The following PIK3R1 variants were observed in gnomAD, a reference collection of about 807,000 sequenced individuals.
PIK3R1 encodes the protein phosphoinositide-3-kinase regulatory subunit 1.
PIK3R1 carries 29 observed loss-of-function variants against 98.0 expected under a neutral mutation model. That is an observed-to-expected ratio of 0.30 (90% CI 0.22 to 0.40). The LOEUF (loss-of-function observed/expected upper bound fraction) is 0.40, where lower values mean the gene tolerates loss of function less well. Among genes scored for constraint, PIK3R1 ranks in the 10% least tolerant of loss-of-function variants. The pLI, the probability that PIK3R1 is intolerant of heterozygous loss-of-function variation, is 1.00. For missense variants in PIK3R1, 596 were observed against 872.7 expected (o/e 0.68, Z 3.99); for synonymous variants, 282 against 311.8 (o/e 0.90, Z 1.01).
chr5:68,284,650 G>T (rs1580250107), intron 7 of PIK3R1, among the ~76,000 whole-genome samples: 1 of 152,316 alleles, frequency 6.6e-6, no homozygotes, highest in Non-Finnish European at 1.5e-5. Flanking sequence ...GTCACCTTAT[G>T]TTTAACTGTC....
Position 68,301,492 on chromosome 5 carries a change from ATG to A in PIK3R1, c.*3892_*3893del, listed in dbSNP as rs200723585. On this transcript the variant is annotated 3_prime_UTR_variant, in exon 16 of 16. Coordinates refer to ENST00000521381, the MANE Select transcript of PIK3R1 (RefSeq NM_181523.3). ...TATGTATATACATATATGTATATAT[ATG>A]CACATATATATATGTATTTAAAAAA... 0.032 allele frequency: 4,503 copies of A among 141,162 alleles called. 382 individuals carry two copies. Among genetic ancestry groups the A allele is most frequent in the African/African-American group, 0.12 (4,208 of 36,370 alleles). The allele number at this position is 141,162 out of a possible 1,614,324, so 8.7% of individuals were successfully genotyped here.
At chr5:68,276,242 A>G (rs1746567084) in intron 4 of PIK3R1, among the ~76,000 whole-genome samples, 1 of 152,246 alleles carries the variant, frequency 6.6e-6, no homozygotes, top group African/African-American at 2.4e-5. Context: ...CTTTGCTGGA[A>G]GAGTGGGAGC....
Position 68,261,349 on chromosome 5 carries a change from C to G in PIK3R1, c.335-12041C>G, listed in dbSNP as rs184893840. The stretch of plus-strand genomic sequence containing the variant: ...AGGCCTGGAGACATTAAATGTTTTG[C>G]CCAAAGTTACCAACATGTTGTTGGC... On this transcript the variant is annotated intron_variant, in intron 2 of 15. Transcript: ENST00000521381. Among the ~76,000 whole-genome samples the G allele has an allele frequency of 2.5e-3, 376 of 152,200 alleles. 3 individuals are homozygous for G. Among genetic ancestry groups the G allele is most frequent in the Non-Finnish European group, 1.9e-3 (130 of 68,012 alleles).
intron 2 of PIK3R1, among the ~76,000 whole-genome samples, chr5:68,265,990 T>C (rs1561281417): frequency 1.3e-5 from 2 of 152,224 alleles, no homozygotes; most frequent in African/African-American, 2.4e-5. Flanking sequence ...TCGGTCTGGC[T>C]GGACAAACTT....
chr5:68,269,728 A>G (rs529790890), intron 2 of PIK3R1, among the ~76,000 whole-genome samples: 15 of 152,326 alleles, frequency 9.8e-5, no homozygotes, highest in Admixed American at 2.6e-4. Flanking sequence ...TAGACTTTCA[A>G]TGCTAATTGA....
intron 7 of PIK3R1, chr5:68,290,910 T>A: frequency 1.4e-5 from 13 of 916,190 alleles, no homozygotes; most frequent in Non-Finnish European, 2.2e-5. Flanking sequence ...CTGTAAAAGA[T>A]CCTTTTTGGA....
At chr5:68,271,007 T>C (rs1746334198) in intron 2 of PIK3R1, among the ~76,000 whole-genome samples, 1 of 152,248 alleles carries the variant, frequency 6.6e-6, no homozygotes, top group South Asian at 2.1e-4. Context: ...CATTTTAACA[T>C]ACAGGGATTT....
chr5:68,271,717 A>G (rs1746367222), intron 2 of PIK3R1, among the ~76,000 whole-genome samples: 1 of 152,254 alleles, frequency 6.6e-6, no homozygotes, highest in South Asian at 2.1e-4. Flanking sequence ...GTGCTACTGT[A>G]GGATTTTCCC....
At chr5:68,273,739 C>T (rs578113457) in intron 3 of PIK3R1, 200 bp from the exon 4 acceptor site, 51 of 604,944 alleles carry the variant, frequency 8.4e-5, no homozygotes, top group South Asian at 2.6e-4. Context: ...GATTAACTTT[C>T]TTCTTAGAGG....
At chr5:68,287,087 G>T (rs956943463) in intron 7 of PIK3R1, among the ~76,000 whole-genome samples, 18 of 152,188 alleles carry the variant, frequency 1.2e-4, no homozygotes, top group African/African-American at 3.9e-4. Flanking sequence ...TAACCCTGAA[G>T]CTAGTTGCTG....
At chr5:68,282,562 A>T (rs373828590) in intron 7 of PIK3R1, among the ~76,000 whole-genome samples, 1 of 152,202 alleles carries the variant, frequency 6.6e-6, no homozygotes, top group Admixed American at 6.5e-5. Context: ...GTATAGCAGA[A>T]TCAGTGGTAG....
intron 2 of PIK3R1, among the ~76,000 whole-genome samples, chr5:68,269,866 A>G (rs2112150441): frequency 7.0e-6 from 1 of 143,514 alleles, no homozygotes; most frequent in Non-Finnish European, 1.5e-5. Context: ...AGGAATAGAA[A>G]ATCTTTGAAT....
intron 2 of PIK3R1, among the ~76,000 whole-genome samples, chr5:68,247,891 G>A (rs80042887): frequency 0.011 from 1,667 of 152,188 alleles, 20 homozygotes; most frequent in Middle Eastern, 0.017. Context: ...TGCCCTAAAC[G>A]GCATCATTGC....
At chr5:68,259,748 A>G (rs988329792) in intron 2 of PIK3R1, among the ~76,000 whole-genome samples, 9 of 152,288 alleles carry the variant, frequency 5.9e-5, no homozygotes, top group Admixed American at 5.2e-4. Flanking sequence ...TCAATGTCCA[A>G]AGTAGTGCAT....
At chr5:68,245,970 T>G (rs1306537152) in intron 2 of PIK3R1, among the ~76,000 whole-genome samples, 1 of 152,234 alleles carries the variant, frequency 6.6e-6, no homozygotes, top group Admixed American at 6.5e-5. Context: ...GTATTTATTC[T>G]CTTCAGTTGC....
In PIK3R1 at chr5:68,248,307, TC is replaced by T. The variant is rs1241845448; in HGVS notation, c.334+21302del. Reference sequence around the variant, plus strand: ...AACAATGTTCTTTTTAATGGTGTTTTCCCCACTATCTGGATAGATATATGAA... The same window carrying T: ...AACAATGTTCTTTTTAATGGTGTTTTCCCACTATCTGGATAGATATATGAA... On this transcript the variant is annotated intron_variant, in intron 2 of 15. Transcript: ENST00000521381. 8.5e-5 allele frequency among the ~76,000 whole-genome samples: 13 copies of T among 152,280 alleles called. No homozygotes were observed. The East Asian group carries it at 1.9e-3, about 23-fold the overall frequency.
intron 7 of PIK3R1, among the ~76,000 whole-genome samples, chr5:68,285,372 G>A (rs1301975411): frequency 6.6e-6 from 1 of 152,186 alleles, no homozygotes; most frequent in East Asian, 1.9e-4. Flanking sequence ...CTAAAGGCAA[G>A]CACTAAGGTA....
At chr5:68,251,117 C>T (rs561698034) in intron 2 of PIK3R1, among the ~76,000 whole-genome samples, 1 of 152,156 alleles carries the variant, frequency 6.6e-6, no homozygotes, top group African/African-American at 2.4e-5. Flanking sequence ...CCACCGCTTT[C>T]TGATAAGGAT....
chr5:68,255,290 G>A (rs371273096), intron 2 of PIK3R1, among the ~76,000 whole-genome samples: 4 of 152,146 alleles, frequency 2.6e-5, no homozygotes, highest in East Asian at 1.9e-4. Flanking sequence ...CACTCTTACC[G>A]ATAAAGGGAA....
Sources: allele counts gnomAD v4.1 joint callset (sites outside exome capture counted in the v4.1 genomes callset), GRCh38; gene constraint gnomAD v4.1.1; transcripts MANE v1.5; gene names NCBI Gene and HGNC (gene_info 2026-07-23, HGNC 2026-07-21).